Variants in PKHD1 observed in about 807,000 individuals in gnomAD.
PKHD1 encodes the protein fibrocystin.
In PKHD1, 291 loss-of-function variants were observed where a neutral mutation model predicts 412.0. The ratio of observed to expected loss-of-function variants is 0.71; its 90% CI spans 0.64 to 0.78. The LOEUF (loss-of-function observed/expected upper bound fraction) is 0.78. Among genes scored for constraint, PKHD1 ranks in the 30% least tolerant of loss-of-function variants. The pLI is 0.00. For synonymous variants in PKHD1, 1,777 were observed against 1,821.5 expected, an observed-to-expected ratio of 0.98 and a Z score of 0.62; for missense variants, 4,825 against 4,950.7, an observed-to-expected ratio of 0.97 and a Z score of 0.76.
chr6:51,902,460 C>A (rs1191386446), intron 43 of PKHD1, among the ~76,000 whole-genome samples: 1 of 152,098 alleles, frequency 6.6e-6, no homozygotes, highest in African/African-American at 2.4e-5. Context: ...TCCCATTAGG[C>A]ACCTAAAATG....
In PKHD1 at chr6:51,773,846, T is replaced by G. The variant is rs1287797800; in HGVS notation, c.8555-1057A>C. ...ACTTAACCAACTGTTTATATCAACATCCACATTTTTTCCATATATCAACTA... is the reference window on the plus strand; with the variant it reads ...ACTTAACCAACTGTTTATATCAACAGCCACATTTTTTCCATATATCAACTA... On this transcript the variant is annotated intron_variant, in intron 54 of 66. Transcript: ENST00000371117. Among the ~76,000 whole-genome samples the G allele has an allele frequency of 2.0e-5, 3 of 150,966 alleles. No individual in the cohort carries two copies. In the Admixed American group the frequency reaches 2.0e-4, roughly 10 times the overall value.
chr6:51,827,340 C>T (rs1440848660), intron 52 of PKHD1, among the ~76,000 whole-genome samples: 3 of 152,122 alleles, frequency 2.0e-5, no homozygotes, highest in East Asian at 1.9e-4. Flanking sequence ...ACCGCCAAAA[C>T]TCTATGCGTT....
At chr6:51,627,543 C>G (rs969867805) in intron 65 of PKHD1, among the ~76,000 whole-genome samples, 1 of 151,948 alleles carries the variant, frequency 6.6e-6, no homozygotes. Flanking sequence ...TCATGTTATA[C>G]TTCCGTAGGA....
intron 61 of PKHD1, among the ~76,000 whole-genome samples, chr6:51,655,303 T>C (rs1284135496): frequency 1.3e-5 from 2 of 152,034 alleles, no homozygotes; most frequent in Admixed American, 6.6e-5. Context: ...CCAGGATACA[T>C]AAAGAGGAGA....
At chr6:51,709,752 A>G (rs533729728) in intron 60 of PKHD1, among the ~76,000 whole-genome samples, 2 of 152,346 alleles carry the variant, frequency 1.3e-5, no homozygotes, top group Non-Finnish European at 2.9e-5. Flanking sequence ...CAACTTTTAT[A>G]AATCCATCTT....
chr6:51,964,630 A>G lies in PKHD1; in HGVS notation c.5752-4604T>C, dbSNP rs375361724. ...GGCATCTATTGGCTACCCCAAAAAT[A>G]TGTTTGAATGAATAAATGGTCAACT... On this transcript the variant is annotated intron_variant, in intron 35 of 66. Transcript: ENST00000371117. 5.9e-5 allele frequency among the ~76,000 whole-genome samples: 9 copies of G among 152,274 alleles called. 2 individuals carry two copies. Among genetic ancestry groups the G allele is most frequent in the East Asian group, 5.8e-4 (3 of 5,180 alleles).
At chr6:51,729,672 A>G (rs1282675720) in intron 60 of PKHD1, among the ~76,000 whole-genome samples, 1 of 152,188 alleles carries the variant, frequency 6.6e-6, no homozygotes, top group African/African-American at 2.4e-5. Flanking sequence ...TTGAGAACGA[A>G]GTTTGAGAAC....
intron 23 of PKHD1, 72 bp downstream of exon 23, chr6:52,048,420 G>A (rs1168232795): frequency 7.0e-6 from 10 of 1,430,574 alleles, no homozygotes; most frequent in Non-Finnish European, 9.9e-6. Flanking sequence ...AACCTCCCAG[G>A]ATGTTGTTCC....
intron 41 of PKHD1, among the ~76,000 whole-genome samples, chr6:51,904,492 T>A (rs1433812149): frequency 6.6e-6 from 1 of 152,136 alleles, no homozygotes; most frequent in Non-Finnish European, 1.5e-5. Context: ...TGGGCCATGC[T>A]AATAGAGAAA....
At chr6:51,926,823 GA>G (rs990326697) in intron 37 of PKHD1, among the ~76,000 whole-genome samples, 1 of 152,086 alleles carries the variant, frequency 6.6e-6, no homozygotes, top group Non-Finnish European at 1.5e-5. Flanking sequence ...AGACAGAACA[GA>G]AAAAAAACCT....
At chr6:51,675,624 G>A (rs1775714347) in intron 60 of PKHD1, among the ~76,000 whole-genome samples, 1 of 152,118 alleles carries the variant, frequency 6.6e-6, no homozygotes, top group African/African-American at 2.4e-5. Flanking sequence ...TGTAAGAGGG[G>A]CTGAGAGAAG....
At chr6:51,830,565 C>G (rs187038455) in intron 52 of PKHD1, among the ~76,000 whole-genome samples, 2 of 152,106 alleles carry the variant, frequency 1.3e-5, no homozygotes, top group Non-Finnish European at 2.9e-5. Flanking sequence ...CCTGTAAATC[C>G]ATTCTCTGAC....
At chr6:52,076,703 T>C (rs1358215606) in intron 5 of PKHD1, among the ~76,000 whole-genome samples, 9 of 152,210 alleles carry the variant, frequency 5.9e-5, no homozygotes, top group Admixed American at 5.9e-4. Flanking sequence ...AGTCTTTTAA[T>C]TCCATTGTAA....
At chr6:51,753,470 C>A in intron 56 of PKHD1, 117 bp from the exon 57 acceptor site, 1 of 827,474 alleles carries the variant, frequency 1.2e-6, no homozygotes, top group Non-Finnish European at 2.0e-6. Flanking sequence ...GAAGTTCTAC[C>A]AACATTAAGG....
At chr6:52,009,864 A>C (rs1799583528) in intron 35 of PKHD1, among the ~76,000 whole-genome samples, 1 of 151,746 alleles carries the variant, frequency 6.6e-6, no homozygotes, top group African/African-American at 2.4e-5. Context: ...TGAAGTTTCC[A>C]CTCTGCTCCC....
chr6:52,073,516 C>T lies in PKHD1; in HGVS notation c.474G>A (p.Trp158Ter), dbSNP rs1350620976. The part of the protein sequence containing the change: ...VPGKLIHVYG[W>*]IITGRLETFD... ...AAGTTTCCAATCTTCCAGTGATAAT[C>T]CAGCCATATACATGTATTAGTTTTC... Residue 158 changes from tryptophan (W) to a stop codon, truncating the protein, a stop_gained, in exon 7 of 67, where the codon TGG becomes TGA. Coordinates refer to ENST00000371117, the MANE Select transcript of PKHD1 (RefSeq NM_138694.4). LOFTEE classifies it high-confidence loss of function. 13 of 1,604,090 alleles carry T rather than the reference C, an allele frequency of 8.1e-6. No homozygotes were observed. Among genetic ancestry groups the T allele is most frequent in the Non-Finnish European group, 1.1e-5 (13 of 1,171,032 alleles).
chr6:51,827,864 A>T (rs932055614), intron 52 of PKHD1, among the ~76,000 whole-genome samples: 4 of 152,092 alleles, frequency 2.6e-5, no homozygotes, highest in African/African-American at 9.7e-5. Flanking sequence ...CATTTGAATT[A>T]CAACTACATC....
chr6:51,720,209 G>C (rs1025798120), intron 60 of PKHD1, among the ~76,000 whole-genome samples: 3 of 152,128 alleles, frequency 2.0e-5, no homozygotes, highest in Non-Finnish European at 4.4e-5. Flanking sequence ...GGATCACTGA[G>C]ATAGAACTGC....
intron 60 of PKHD1, among the ~76,000 whole-genome samples, chr6:51,725,428 C>G (rs753065906): frequency 2.0e-5 from 3 of 152,156 alleles, no homozygotes; most frequent in Non-Finnish European, 2.9e-5. Context: ...TCAGCCTGTC[C>G]TTCAAAGGGA....
Sources: gnomAD v4.1 joint callset for allele counts (sites outside exome capture counted in the v4.1 genomes callset) on GRCh38, gnomAD v4.1.1 for gene constraint, MANE v1.5 for transcripts, NCBI Gene and HGNC (gene_info 2026-07-23, HGNC 2026-07-21) for gene names.